The following ACVR1 variants were observed in gnomAD, a reference collection of about 807,000 sequenced individuals.
ACVR1 encodes activin receptor type-1.
In ACVR1, 38 loss-of-function variants were observed where a neutral mutation model predicts 57.1. That is an observed-to-expected ratio of 0.67 (90% CI 0.51 to 0.87). The LOEUF (loss-of-function observed/expected upper bound fraction) is 0.87. Ranked by LOEUF, ACVR1 falls within the 40% of genes least tolerant of loss-of-function variation. The pLI is 0.00. For missense variants in ACVR1, 463 were observed against 638.2 expected, an observed-to-expected ratio of 0.73 and a Z score of 2.96; for synonymous variants, 212 against 228.1, an observed-to-expected ratio of 0.93 and a Z score of 0.63.
At chr2:157,872,170 T>C (rs1267339026) in intron 1 of ACVR1, among the ~76,000 whole-genome samples, 1 of 152,186 alleles carries the variant, frequency 6.6e-6, no homozygotes, top group African/African-American at 2.4e-5. Flanking sequence ...CAAATCCTCA[T>C]TTCCAGGAAT....
chr2:157,755,416 C>G (rs1462220418), intron 9 of ACVR1, among the ~76,000 whole-genome samples: 2 of 152,122 alleles, frequency 1.3e-5, no homozygotes, highest in African/African-American at 2.4e-5. Flanking sequence ...ACCAAAGTTT[C>G]TGGGTGCAAA....
chr2:157,864,521 C>T (rs950437751), intron 1 of ACVR1, among the ~76,000 whole-genome samples: 1 of 152,160 alleles, frequency 6.6e-6, no homozygotes, highest in Non-Finnish European at 1.5e-5. Context: ...CACTTGGACA[C>T]CACACTTGGC....
chr2:157,789,635 TAAAGTCCAGAAGG>T (rs1466227607), intron 3 of ACVR1, among the ~76,000 whole-genome samples: 1 of 152,194 alleles, frequency 6.6e-6, no homozygotes, highest in African/African-American at 2.4e-5. Context: ...CTGAGGAGAT[TAAAGTCCAGAAGG>T]AAATGGAAGA....
At chr2:157,741,609 C>G (rs114084992) in intron 9 of ACVR1, among the ~76,000 whole-genome samples, 2,547 of 142,284 alleles carry the variant, frequency 0.018, 65 homozygotes, top group African/African-American at 0.059. Flanking sequence ...TGGTGACAGA[C>G]AGAGACTCTG....
intron 5 of ACVR1, among the ~76,000 whole-genome samples, chr2:157,775,370 T>A (rs887968479): frequency 3.3e-5 from 5 of 152,228 alleles, no homozygotes; most frequent in Non-Finnish European, 5.9e-5. Flanking sequence ...CAGGCATAGA[T>A]TATCTGTAAT....
intron 3 of ACVR1, among the ~76,000 whole-genome samples, chr2:157,795,159 C>T (rs563372681): frequency 9.2e-5 from 14 of 152,100 alleles, no homozygotes; most frequent in South Asian, 6.2e-4. Flanking sequence ...TCCTTTTAAA[C>T]GCAGTCGTCT....
chr2:157,751,600 C>T (rs1559036139), intron 9 of ACVR1, among the ~76,000 whole-genome samples: 1 of 152,194 alleles, frequency 6.6e-6, no homozygotes, highest in Non-Finnish European at 1.5e-5. Context: ...AAACTTGGTG[C>T]TGTTGAGGGG....
intron 1 of ACVR1, among the ~76,000 whole-genome samples, chr2:157,862,514 G>A (rs1333408407): frequency 2.0e-5 from 3 of 151,522 alleles, no homozygotes; most frequent in Admixed American, 6.6e-5. Context: ...GGTAGTATCT[G>A]TAAGATACGG....
At chr2:157,783,857 T>C (rs1386958441) in intron 3 of ACVR1, among the ~76,000 whole-genome samples, 1 of 152,206 alleles carries the variant, frequency 6.6e-6, no homozygotes, top group South Asian at 2.1e-4. Flanking sequence ...TTATTTTTTA[T>C]ATATACCCAA....
intron 8 of ACVR1, among the ~76,000 whole-genome samples, chr2:157,762,074 G>A (rs1007627970): frequency 1.3e-5 from 2 of 152,112 alleles, no homozygotes; most frequent in African/African-American, 2.4e-5. Flanking sequence ...ACTGGCAACT[G>A]CATTACACTA....
At chr2:157,854,539 G>C (rs968885716) in intron 1 of ACVR1, among the ~76,000 whole-genome samples, 2 of 151,888 alleles carry the variant, frequency 1.3e-5, no homozygotes, top group Admixed American at 6.6e-5. Context: ...TGGCTAACAC[G>C]GTGAAACCCC....
chr2:157,854,722 CAAA>C (rs34911478), intron 1 of ACVR1, among the ~76,000 whole-genome samples: 5 of 84,824 alleles, frequency 5.9e-5, no homozygotes, highest in Non-Finnish European at 9.9e-5. Flanking sequence ...GACTCCGTCT[CAAA>C]AAAAAAAAAA....
intron 9 of ACVR1, among the ~76,000 whole-genome samples, chr2:157,743,581 T>C (rs1684857478): frequency 6.6e-6 from 1 of 151,928 alleles, no homozygotes; most frequent in Non-Finnish European, 1.5e-5. Flanking sequence ...TTTGGAACTT[T>C]TTACATTTTA....
intron 8 of ACVR1, among the ~76,000 whole-genome samples, chr2:157,763,116 TC>T (rs1252082035): frequency 6.6e-6 from 1 of 152,190 alleles, no homozygotes; most frequent in Non-Finnish European, 1.5e-5. Context: ...TTGGCTGAGT[TC>T]CTCTTTGAAA....
At chr2:157,827,485 G>C (rs1198696831) in intron 1 of ACVR1, among the ~76,000 whole-genome samples, 1 of 152,152 alleles carries the variant, frequency 6.6e-6, no homozygotes, top group Non-Finnish European at 1.5e-5. Context: ...AATTGTATAA[G>C]TGTTTGCCAG....
chr2:157,762,954 A>G (rs1038672695), intron 8 of ACVR1, among the ~76,000 whole-genome samples: 8 of 152,200 alleles, frequency 5.3e-5, no homozygotes, highest in African/African-American at 1.9e-4. Flanking sequence ...CCACACCGCT[A>G]AGTCATTCCA....
chr2:157,760,357 G>A (rs1685596111), intron 9 of ACVR1, among the ~76,000 whole-genome samples: 2 of 152,076 alleles, frequency 1.3e-5, no homozygotes, highest in Non-Finnish European at 2.9e-5. Context: ...AAACATAAGA[G>A]CTGGATGGAA....
intron 3 of ACVR1, among the ~76,000 whole-genome samples, chr2:157,794,234 T>G (rs893652955): frequency 6.6e-6 from 1 of 152,160 alleles, no homozygotes; most frequent in African/African-American, 2.4e-5. Flanking sequence ...TTAGTCTTAT[T>G]AATGGGAAGG....
chr2:157,828,061 G>A (rs1280778258), intron 1 of ACVR1, among the ~76,000 whole-genome samples: 1 of 152,108 alleles, frequency 6.6e-6, no homozygotes, highest in Admixed American at 6.6e-5. Flanking sequence ...AGTGGCTCAC[G>A]CTTGTAATCC....
Sources: allele counts gnomAD v4.1 joint callset (sites outside exome capture counted in the v4.1 genomes callset), GRCh38; gene constraint gnomAD v4.1.1; transcripts MANE v1.5; gene names NCBI Gene and HGNC (gene_info 2026-07-23, HGNC 2026-07-21).